The following ELP4 variants were observed in gnomAD, a reference collection of about 807,000 sequenced individuals.
The protein encoded by ELP4 is elongator complex protein 4.
In ELP4, 51 loss-of-function variants were observed where a neutral mutation model predicts 48.9. The observed-to-expected ratio is 1.04, with a 90% CI of 0.83 to 1.32. ELP4 has a LOEUF of 1.32. Among genes scored for constraint, ELP4 ranks in the 40% most tolerant of loss-of-function variants. ELP4 has a pLI of 0.00. For missense variants in ELP4, 519 were observed against 514.6 expected (o/e 1.01, Z -0.08); for synonymous variants, 210 against 189.2 (o/e 1.11, Z -0.90).
chr11:31,712,099 A>G (rs573585412), intron 9 of ELP4, among the ~76,000 whole-genome samples: 25 of 152,030 alleles, frequency 1.6e-4, no homozygotes, highest in Non-Finnish European at 2.5e-4. Context: ...ACCTAGGTCT[A>G]GTTACCATCA....
intron 9 of ELP4, among the ~76,000 whole-genome samples, chr11:31,739,002 A>G (rs536725852): frequency 2.6e-5 from 4 of 152,306 alleles, no homozygotes; most frequent in South Asian, 2.1e-4. Context: ...TGTGTACAAC[A>G]TTGTAGCTGT....
At chr11:31,569,097 A>T (rs183581515) in intron 3 of ELP4, among the ~76,000 whole-genome samples, 34 of 151,690 alleles carry the variant, frequency 2.2e-4, no homozygotes, top group African/African-American at 4.3e-4. Context: ...AAAAAAAAAT[A>T]AAAAAAAGGA....
intron 3 of ELP4, chr11:31,580,795 CTG>C (rs1957377436): frequency 6.6e-6 from 1 of 152,196 alleles, no homozygotes; most frequent in African/African-American, 2.4e-5. Flanking sequence ...GTAGCTGAGA[CTG>C]TAGGTGAGCG....
chr11:31,634,716 T>A (rs1179658262), intron 7 of ELP4, among the ~76,000 whole-genome samples: 3 of 152,026 alleles, frequency 2.0e-5, no homozygotes, highest in African/African-American at 7.2e-5. Context: ...ACTTTACAGG[T>A]ATATTTCAGC....
chr11:31,759,597 G>A (rs549360413), intron 9 of ELP4, among the ~76,000 whole-genome samples: 6 of 152,228 alleles, frequency 3.9e-5, no homozygotes, highest in South Asian at 4.1e-4. Context: ...GTACAAAACA[G>A]CCTGTTGCTT....
chr11:31,681,065 T>G (rs1438080462), intron 9 of ELP4, among the ~76,000 whole-genome samples: 1 of 152,194 alleles, frequency 6.6e-6, no homozygotes, highest in Non-Finnish European at 1.5e-5. Flanking sequence ...GACTCATTAG[T>G]AACAGTTGAA....
intron 9 of ELP4, among the ~76,000 whole-genome samples, chr11:31,766,529 G>A (rs1466890041): frequency 6.6e-6 from 1 of 151,916 alleles, no homozygotes; most frequent in Non-Finnish European, 1.5e-5. Flanking sequence ...TTCAGATGAT[G>A]TTTTGACTCA....
chr11:31,604,960 A>G (rs867682548), intron 5 of ELP4, among the ~76,000 whole-genome samples: 3 of 151,988 alleles, frequency 2.0e-5, no homozygotes, highest in African/African-American at 4.8e-5. Context: ...TATTAACCCT[A>G]TACAGGGTTA....
In ELP4 at chr11:31,702,072, A is replaced by G. The variant is rs1293490659; in HGVS notation, c.1143+51851A>G. 2.0e-5 allele frequency among the ~76,000 whole-genome samples: 3 copies of G among 152,086 alleles called. 1 individual carries two copies. The highest frequency in any genetic ancestry group is 4.4e-5 in the Non-Finnish European group (3 of 68,014). On this transcript the variant is annotated intron_variant, in intron 9 of 9. Transcript: ENST00000640961. ...CCAAATGTGAACTTTTTAGTCTCCT[A>G]TAATTGTATATGTTTACACATGTTG...
intron 9 of ELP4, among the ~76,000 whole-genome samples, chr11:31,745,596 A>C (rs1160218372): frequency 6.6e-6 from 1 of 152,186 alleles, no homozygotes; most frequent in East Asian, 1.9e-4. Context: ...ACACATCAAC[A>C]ACTATCTGAT....
At chr11:31,518,797 G>A (rs1956162942) in intron 1 of ELP4, among the ~76,000 whole-genome samples, 1 of 150,894 alleles carries the variant, frequency 6.6e-6, no homozygotes, top group African/African-American at 2.4e-5. Context: ...TTGGGAGGCT[G>A]AGGCAGGAGA....
intron 9 of ELP4, among the ~76,000 whole-genome samples, chr11:31,728,179 A>G (rs1042730160): frequency 9.2e-5 from 14 of 152,180 alleles, no homozygotes; most frequent in Admixed American, 7.2e-4. Flanking sequence ...AGAATACGTA[A>G]TCTATTGAAG....
chr11:31,720,703 C>A (rs1946942019), intron 9 of ELP4, among the ~76,000 whole-genome samples: 1 of 152,128 alleles, frequency 6.6e-6, no homozygotes, highest in South Asian at 2.1e-4. Flanking sequence ...TATTAAGTGT[C>A]CACCAGTGAG....
chr11:31,752,190 TAGATA>T (rs1171599085), intron 9 of ELP4, among the ~76,000 whole-genome samples: 1 of 152,112 alleles, frequency 6.6e-6, no homozygotes, highest in South Asian at 2.1e-4. Context: ...TTGCTACTAC[TAGATA>T]AGATTTCTCA....
rs1031015309 is a variant in ELP4 at position 31,715,240 on chromosome 11, A to C, written c.1143+65019A>C. 3 of 154,036 alleles carry C rather than the reference A, an allele frequency of 1.9e-5. No individual in the cohort carries two copies. The South Asian group carries it at 6.2e-4, about 32-fold the overall frequency. The allele number at this position is 154,036 out of a possible 1,614,324, so 9.5% of individuals were successfully genotyped here. A position where few individuals can be genotyped will look rare whatever the true frequency, so the allele number is the denominator to read the frequency against. ...TAATCAGTTTTATAAAAAATGCTTAATAAAATTAGTCTTTGTGGACATGGC... is the reference window on the plus strand; with the variant it reads ...TAATCAGTTTTATAAAAAATGCTTACTAAAATTAGTCTTTGTGGACATGGC... On this transcript the variant is annotated intron_variant, in intron 9 of 9. Transcript: ENST00000640961.
At chr11:31,628,141 G>A (rs1173638845) in intron 6 of ELP4, 4 of 151,840 alleles carry the variant, frequency 2.6e-5, no homozygotes, top group Non-Finnish European at 5.9e-5. Flanking sequence ...TTTTTGTGAC[G>A]GCCTTTAGTA....
At chr11:31,607,502 G>A (rs772759867) in intron 5 of ELP4, among the ~76,000 whole-genome samples, 1 of 152,152 alleles carries the variant, frequency 6.6e-6, no homozygotes, top group Admixed American at 6.5e-5. Flanking sequence ...CCAAAATGCT[G>A]TGTGAAGCCT....
At chr11:31,579,417 C>G (rs888131341) in intron 3 of ELP4, among the ~76,000 whole-genome samples, 1 of 152,156 alleles carries the variant, frequency 6.6e-6, no homozygotes, top group African/African-American at 2.4e-5. Flanking sequence ...CCATTAGACC[C>G]AGCCATCCCA....
At chr11:31,729,894 A>G (rs1947148294) in intron 9 of ELP4, among the ~76,000 whole-genome samples, 1 of 152,208 alleles carries the variant, frequency 6.6e-6, no homozygotes, top group Non-Finnish European at 1.5e-5. Context: ...AGTGGCTATT[A>G]ATCAGTGAGA....
Sources: allele counts gnomAD v4.1 joint callset (sites outside exome capture counted in the v4.1 genomes callset), GRCh38; gene constraint gnomAD v4.1.1; transcripts MANE v1.5; gene names NCBI Gene and HGNC (gene_info 2026-07-23, HGNC 2026-07-21).